Variants in ARHGAP22 observed in about 807,000 individuals in gnomAD.
ARHGAP22 encodes Rho GTPase activating protein 22, also known as rho GTPase-activating protein 22.
A neutral mutation model predicts 59.1 loss-of-function variants in ARHGAP22; 48 were observed. That is an observed-to-expected ratio of 0.81 (90% CI 0.64 to 1.03). The LOEUF (loss-of-function observed/expected upper bound fraction) is 1.03, where lower values mean the gene tolerates loss of function less well. Ranked by LOEUF, ARHGAP22 falls within the 50% of genes least tolerant of loss-of-function variation. The probability of loss-of-function intolerance (pLI) is 0.00; values close to 1 mark genes in which losing one functional copy is unlikely to be tolerated. For synonymous variants in ARHGAP22, 445 were observed against 416.4 expected (o/e 1.07, Z -0.84); for missense variants, 1,015 against 958.7 (o/e 1.06, Z -0.78).
intron 7 of ARHGAP22, 129 bp from the exon 8 acceptor site, chr10:48,453,554 AG>A (rs2046200546): frequency 2.9e-6 from 4 of 1,380,112 alleles, no homozygotes. Flanking sequence ...CACTGGGTGT[AG>A]CCTGCCTCTG....
At chr10:48,444,860 G>C (rs1281725142), downstream of ARHGAP22, 1 of 152,178 alleles carries the variant, frequency 6.6e-6, no homozygotes, top group Non-Finnish European at 1.5e-5. Context: ...CTCTCTCCTT[G>C]AGTAGAGGGG....
At chr10:48,648,870 C>T (rs1391397960) in intron 1 of ARHGAP22, among the ~76,000 whole-genome samples, 2 of 152,138 alleles carry the variant, frequency 1.3e-5, no homozygotes, top group Non-Finnish European at 2.9e-5. Context: ...GTGGCCTGGG[C>T]ATCCATATGG....
At chr10:48,531,145 A>G (rs1369898852) in intron 3 of ARHGAP22, among the ~76,000 whole-genome samples, 7 of 152,244 alleles carry the variant, frequency 4.6e-5, no homozygotes, top group African/African-American at 1.4e-4. Context: ...ACTGGAGACC[A>G]TTATTCTAAG....
At chr10:48,578,524 ATG>A (rs3076347) in intron 2 of ARHGAP22, among the ~76,000 whole-genome samples, 49,533 of 149,922 alleles carry the variant, frequency 0.33, 8,737 homozygotes, top group East Asian at 0.72. Context: ...TATGCAGTGT[ATG>A]TGTGTGTGTG....
intron 2 of ARHGAP22, among the ~76,000 whole-genome samples, chr10:48,572,712 C>T (rs750286158): frequency 1.1e-4 from 16 of 152,174 alleles, no homozygotes; most frequent in African/African-American, 2.4e-4. Context: ...CCTGCCTTTC[C>T]GGGTCTACCA....
At chr10:48,540,935 C>T (rs908199153) in intron 3 of ARHGAP22, among the ~76,000 whole-genome samples, 1 of 151,910 alleles carries the variant, frequency 6.6e-6, no homozygotes, top group Admixed American at 6.5e-5. Context: ...ATCTCCTAGT[C>T]CAGGGTTGGG....
At chr10:48,455,355 C>T (rs1010953665) in intron 5 of ARHGAP22, among the ~76,000 whole-genome samples, 3 of 152,192 alleles carry the variant, frequency 2.0e-5, no homozygotes, top group Non-Finnish European at 4.4e-5. Context: ...GTATCCATGG[C>T]CAGGAGCTCC....
intron 3 of ARHGAP22, among the ~76,000 whole-genome samples, chr10:48,509,392 C>T (rs761172911): frequency 3.9e-5 from 6 of 152,232 alleles, no homozygotes; most frequent in Non-Finnish European, 7.3e-5. Flanking sequence ...CCAGGCACAG[C>T]GGAGCTTTGT....
intron 1 of ARHGAP22, among the ~76,000 whole-genome samples, chr10:48,648,411 G>C (rs1196561414): frequency 6.6e-6 from 1 of 152,146 alleles, no homozygotes; most frequent in East Asian, 1.9e-4. Context: ...TGAGCAGAGT[G>C]TGATGTGTGT....
chr10:48,571,140 T>C (rs2058369657), intron 2 of ARHGAP22, among the ~76,000 whole-genome samples: 1 of 152,196 alleles, frequency 6.6e-6, no homozygotes, highest in African/African-American at 2.4e-5. Flanking sequence ...TGCTACCCAG[T>C]GGTCAGCTCT....
the ARHGAP22 span, chr10:48,437,558 T>C: frequency 6.6e-6 from 1 of 152,228 alleles, no homozygotes; most frequent in African/African-American, 2.4e-5. Context: ...AATGTCTTCC[T>C]GGTTACTATT....
intron 4 of ARHGAP22, among the ~76,000 whole-genome samples, chr10:48,461,144 T>G (rs1381048948): frequency 6.6e-6 from 1 of 152,192 alleles, no homozygotes; most frequent in Non-Finnish European, 1.5e-5. Context: ...TTATGCTAAG[T>G]GTATTTTATG....
chr10:48,508,655 C>T (rs568025880), intron 3 of ARHGAP22, among the ~76,000 whole-genome samples: 26 of 152,356 alleles, frequency 1.7e-4, no homozygotes, highest in Admixed American at 3.9e-4. Context: ...CTGCCAGGAG[C>T]TCTAGCCACA....
intron 3 of ARHGAP22, among the ~76,000 whole-genome samples, chr10:48,544,990 G>A (rs188120079): frequency 1.3e-5 from 2 of 152,264 alleles, no homozygotes; most frequent in East Asian, 3.9e-4. Flanking sequence ...TACCAATTTA[G>A]ACTTGGAAGC....
chr10:48,577,849 G>C (rs1470705061), intron 2 of ARHGAP22, among the ~76,000 whole-genome samples: 1 of 112,622 alleles, frequency 8.9e-6, no homozygotes, highest in African/African-American at 3.4e-5. Flanking sequence ...GTCTCGCTCT[G>C]CTGCCCAGGC....
chr10:48,469,200 T>TAG (rs1285886886), intron 4 of ARHGAP22, among the ~76,000 whole-genome samples: 1 of 152,214 alleles, frequency 6.6e-6, no homozygotes, highest in Admixed American at 6.5e-5. Context: ...CCCACATGGC[T>TAG]AGAGGCCTGC....
intron 2 of ARHGAP22, among the ~76,000 whole-genome samples, chr10:48,580,512 G>A (rs912062969): frequency 2.0e-5 from 3 of 152,174 alleles, no homozygotes; most frequent in Admixed American, 1.3e-4. Context: ...GTCCTGTTCC[G>A]AGGAGGCAGT....
At chr10:48,517,362 G>C (rs1322429731) in intron 3 of ARHGAP22, among the ~76,000 whole-genome samples, 1 of 152,156 alleles carries the variant, frequency 6.6e-6, no homozygotes, top group Non-Finnish European at 1.5e-5. Context: ...TAGCTGGCTG[G>C]GGGTGGGCGA....
At chr10:48,467,722 G>GT (rs2047856746) in intron 4 of ARHGAP22, among the ~76,000 whole-genome samples, 1 of 152,182 alleles carries the variant, frequency 6.6e-6, no homozygotes, top group African/African-American at 2.4e-5. Flanking sequence ...GAAATTTCTA[G>GT]TAAGGACCTG....
Sources: gnomAD v4.1 joint callset for allele counts (sites outside exome capture counted in the v4.1 genomes callset) on GRCh38, gnomAD v4.1.1 for gene constraint, MANE v1.5 for transcripts, NCBI Gene and HGNC (gene_info 2026-07-23, HGNC 2026-07-21) for gene names.